Variants in FAM120B observed in about 807,000 individuals in gnomAD.
FAM120B encodes the protein family with sequence similarity 120 member B.
A neutral mutation model predicts 96.3 loss-of-function variants in FAM120B; 83 were observed. The ratio of observed to expected loss-of-function variants is 0.86; its 90% CI spans 0.72 to 1.03. FAM120B has a LOEUF of 1.03. Among genes scored for constraint, FAM120B ranks in the 50% least tolerant of loss-of-function variants. The probability of loss-of-function intolerance (pLI) is 0.00; values close to 1 mark genes in which losing one functional copy is unlikely to be tolerated. For synonymous variants in FAM120B, 407 were observed against 402.7 expected, an observed-to-expected ratio of 1.01 and a Z score of -0.13; for missense variants, 1,027 against 1,121.2, an observed-to-expected ratio of 0.92 and a Z score of 1.20.
chr6:170,341,551 A>C (rs1437235958), intron 4 of FAM120B, among the ~76,000 whole-genome samples: 11 of 151,220 alleles, frequency 7.3e-5, no homozygotes, highest in African/African-American at 9.7e-5. Context: ...ACAAAAAAAA[A>C]CTCCTGCAGC....
Position 170,323,059 on chromosome 6 carries a change from T to C in FAM120B, c.1735-20T>C. The stretch of plus-strand genomic sequence containing the variant: ...TCCTGTTTTTAAGGAGAAATTCAGT[T>C]GTATTTAAATTTCAAACAGGTTGCT... On this transcript the variant is annotated intron_variant, in intron 2 of 10. Coordinates refer to ENST00000476287, the MANE Select transcript of FAM120B (RefSeq NM_032448.3). The C allele has an allele frequency of 6.3e-7, 1 of 1,587,738 alleles. No homozygotes were observed. The highest frequency in any genetic ancestry group is 8.6e-7 in the Non-Finnish European group (1 of 1,166,962).
Position 170,318,049 on chromosome 6 carries a change from C to T in FAM120B, c.659C>T (p.Ala220Val), listed in dbSNP as rs776967355. 6.2e-7 allele frequency: 1 copy of T among 1,614,118 alleles called. No individual in the cohort carries two copies. Among genetic ancestry groups the T allele is most frequent in the Non-Finnish European group, 8.5e-7 (1 of 1,179,994 alleles). ...KLCESLGLCV[A>V]DLPLLACLLG... ...TGTGAGAGTCTGGGCCTCTGTGTGG[C>T]CGACCTTCCTCTTCTGGCCTGCCTC... The change falls in exon 2 of 11, where the codon GCC becomes GTC. Residue 220 changes from alanine to valine, a missense_variant. Physicochemically the swap from Ala to Val is moderately conservative, Grantham distance 64. Transcript: ENST00000476287.
chr6:170,405,146 A>T lies in FAM120B; in HGVS notation c.*395A>T, dbSNP rs1385906221. ...TCCTGTTATTAAAAAGTCAGAAAACACTATACAGTAGTCCTCCCTTATCTG... is the reference window on the plus strand; with the variant it reads ...TCCTGTTATTAAAAAGTCAGAAAACTCTATACAGTAGTCCTCCCTTATCTG... On this transcript the variant is annotated 3_prime_UTR_variant, in exon 11 of 11. Transcript: ENST00000476287. The T allele has an allele frequency of 6.4e-6, 1 of 156,794 alleles. No individual in the cohort carries two copies. Among genetic ancestry groups the T allele is most frequent in the African/African-American group, 2.4e-5 (1 of 41,508 alleles). 9.7% of individuals were successfully genotyped at this position (156,794 alleles called of 1,614,324 possible).
At chr6:170,302,006 C>T (rs1360388374), upstream of FAM120B, among the ~76,000 whole-genome samples, 1 of 152,204 alleles carries the variant, frequency 6.6e-6, no homozygotes, top group African/African-American at 2.4e-5. Flanking sequence ...ATTCCAAAGT[C>T]ACTTCCACAT....
intron 6 of FAM120B, among the ~76,000 whole-genome samples, chr6:170,369,245 T>G (rs1487719307): frequency 6.6e-6 from 1 of 152,204 alleles, no homozygotes; most frequent in East Asian, 1.9e-4. Context: ...CTTTCCAGTA[T>G]TTATCCAGAA....
chr6:170,318,833 C>T lies in FAM120B; in HGVS notation c.1443C>T (p.Ser481=), dbSNP rs756665869. ...TTCCCATGTATACAGGCCCTGAATCCAGGCAAGAAGTTTTAATACGGACAG... is the reference window on the plus strand; with the variant it reads ...TTCCCATGTATACAGGCCCTGAATCTAGGCAAGAAGTTTTAATACGGACAG... ...QEVPMYTGPE[S]RQEVLIRTDP... Residue 481 remains serine, a synonymous_variant, in exon 2 of 11, where the codon TCC becomes TCT. Coordinates refer to ENST00000476287, the MANE Select transcript of FAM120B (RefSeq NM_032448.3). The T allele has an allele frequency of 5.6e-6, 9 of 1,614,012 alleles. No homozygotes were observed. In the South Asian group the frequency reaches 9.9e-5, roughly 18 times the overall value.
intron 1 of FAM120B, among the ~76,000 whole-genome samples, chr6:170,314,656 G>A (rs1352902071): frequency 1.3e-5 from 2 of 152,154 alleles, no homozygotes; most frequent in East Asian, 3.9e-4. Flanking sequence ...CTGCATATAT[G>A]CTCTTAGCAA....
At chr6:170,351,551 G>A (rs1164550681) in intron 5 of FAM120B, among the ~76,000 whole-genome samples, 1 of 152,120 alleles carries the variant, frequency 6.6e-6, no homozygotes, top group East Asian at 1.9e-4. Context: ...AGAGAGAAAG[G>A]CCAGGTCACC....
chr6:170,381,319 G>A (rs1188388099), intron 6 of FAM120B, among the ~76,000 whole-genome samples: 1 of 152,156 alleles, frequency 6.6e-6, no homozygotes, highest in Non-Finnish European at 1.5e-5. Flanking sequence ...AAGCACAGGT[G>A]ACCACAACCC....
At chr6:170,304,404 G>T (rs545678637), upstream of FAM120B, among the ~76,000 whole-genome samples, 1 of 152,160 alleles carries the variant, frequency 6.6e-6, no homozygotes, top group Non-Finnish European at 1.5e-5. Context: ...ATGTGCCTTG[G>T]TGTTGGTCTT....
At chr6:170,336,120 C>T (rs1310068824) in intron 4 of FAM120B, among the ~76,000 whole-genome samples, 1 of 152,114 alleles carries the variant, frequency 6.6e-6, no homozygotes, top group Non-Finnish European at 1.5e-5. Context: ...GAAGTCTTTG[C>T]CCATGCCTAT....
Position 170,404,761 on chromosome 6 carries a change from A to C in FAM120B, c.*12-2A>C. 1 of 640,566 alleles carries C rather than the reference A, an allele frequency of 1.6e-6. No homozygotes were observed. The highest frequency in any genetic ancestry group is 2.8e-5 in the East Asian group (1 of 36,318). 39.7% of individuals were successfully genotyped at this position (640,566 alleles called of 1,614,324 possible). On this transcript the variant is annotated splice_acceptor_variant, in intron 10 of 10. Transcript: ENST00000476287. LOFTEE classifies it low-confidence loss of function (3UTR_SPLICE). ...GTTTCAAAACACTCTTGCTTCCTCC[A>C]GAAAGAGTATGGAGAGAAAAAGAGG... is the stretch of plus-strand genomic sequence containing the variant.
At position 170,318,197 on chromosome 6, in the gene FAM120B, C is replaced by T. The variant is rs1232760987; in HGVS notation, c.807C>T (p.Asp269=). ...KKGNIILAVS[D]HISKVLYLYQ... ...GTAACATCATATTAGCTGTGTCAGA[C>T]CATATATCGAAAGTTCTTTACTTGT... is the stretch of plus-strand genomic sequence containing the variant. The change falls in exon 2 of 11, where the codon GAC becomes GAT. Residue 269 remains aspartate, a synonymous_variant. Transcript: ENST00000476287. 1 of 1,613,894 alleles carries T rather than the reference C, an allele frequency of 6.2e-7. No homozygotes were observed. The highest frequency in any genetic ancestry group is 2.2e-5 in the East Asian group (1 of 44,890).
chr6:170,357,212 G>A (rs765351612), intron 5 of FAM120B, among the ~76,000 whole-genome samples: 3 of 152,096 alleles, frequency 2.0e-5, no homozygotes, highest in Non-Finnish European at 4.4e-5. Context: ...CAGCTCTTGC[G>A]GCCTTAGGAT....
At chr6:170,375,144 A>G (rs1285608055) in intron 6 of FAM120B, among the ~76,000 whole-genome samples, 1 of 152,256 alleles carries the variant, frequency 6.6e-6, no homozygotes, top group Non-Finnish European at 1.5e-5. Flanking sequence ...GCTGGTGGTT[A>G]AAGTGTTCAT....
chr6:170,389,762 G>A (rs560189045), intron 7 of FAM120B, among the ~76,000 whole-genome samples: 5 of 151,956 alleles, frequency 3.3e-5, no homozygotes, highest in South Asian at 2.1e-4. Context: ...GTTTTTCCAC[G>A]TTGCCCAGGC....
intron 2 of FAM120B, among the ~76,000 whole-genome samples, chr6:170,319,804 A>G (rs1785169799): frequency 6.6e-6 from 1 of 152,252 alleles, no homozygotes; most frequent in African/African-American, 2.4e-5. Context: ...TTGAATCTGC[A>G]TCACGCGGGG....
intron 4 of FAM120B, among the ~76,000 whole-genome samples, chr6:170,339,587 G>A (rs183487718): frequency 3.3e-5 from 5 of 152,070 alleles, no homozygotes; most frequent in Admixed American, 3.3e-4. Context: ...AGACCATCCT[G>A]GCTAATATGG....
intron 9 of FAM120B, among the ~76,000 whole-genome samples, chr6:170,397,697 T>A (rs1393434025): frequency 6.6e-6 from 1 of 152,178 alleles, no homozygotes; most frequent in African/African-American, 2.4e-5. Context: ...GGAGTAAAGC[T>A]ACTGGGTGAA....
Sources: allele counts gnomAD v4.1 joint callset (sites outside exome capture counted in the v4.1 genomes callset), GRCh38; gene constraint gnomAD v4.1.1; transcripts MANE v1.5; gene names NCBI Gene and HGNC (gene_info 2026-07-23, HGNC 2026-07-21).